Variants in KCNJ3 observed in about 807,000 individuals in gnomAD.
KCNJ3 encodes potassium inwardly rectifying channel subfamily J member 3.
A neutral mutation model predicts 39.2 loss-of-function variants in KCNJ3; 4 were observed. That is an observed-to-expected ratio of 0.10 (90% CI 0.05 to 0.23). The LOEUF is 0.23. KCNJ3 is among the 10% of genes least tolerant of loss of function. The pLI, the probability that KCNJ3 is intolerant of heterozygous loss-of-function variation, is 1.00. For synonymous variants in KCNJ3, 230 were observed against 237.4 expected (o/e 0.97, Z 0.29); for missense variants, 276 against 634.9 (o/e 0.43, Z 6.08).
intron 2 of KCNJ3, among the ~76,000 whole-genome samples, chr2:154,762,499 A>T (rs1686062239): frequency 1.3e-5 from 2 of 152,200 alleles, no homozygotes; most frequent in African/African-American, 4.8e-5. Context: ...AGTTGTAATA[A>T]GGAGATTCTA....
At chr2:154,760,735 CTTTT>C (rs887796000) in intron 2 of KCNJ3, among the ~76,000 whole-genome samples, 2 of 127,752 alleles carry the variant, frequency 1.6e-5, no homozygotes, top group African/African-American at 3.0e-5. Context: ...TCTTTTTTTT[CTTTT>C]TTTTTTTTTT....
intron 2 of KCNJ3, among the ~76,000 whole-genome samples, chr2:154,838,484 T>A (rs555068007): frequency 6.6e-6 from 1 of 152,186 alleles, no homozygotes; most frequent in East Asian, 1.9e-4. Context: ...ACATACTTCC[T>A]AGGGTAGTGA....
intron 2 of KCNJ3, among the ~76,000 whole-genome samples, chr2:154,744,374 T>G (rs1024565651): frequency 6.6e-6 from 1 of 151,736 alleles, no homozygotes; most frequent in Non-Finnish European, 1.5e-5. Flanking sequence ...AGTAGACTTG[T>G]TTTTTTGGAA....
intron 2 of KCNJ3, among the ~76,000 whole-genome samples, chr2:154,756,074 T>C (rs181522485): frequency 3.9e-5 from 6 of 152,296 alleles, no homozygotes; most frequent in Admixed American, 3.3e-4. Flanking sequence ...TTCCTAGATA[T>C]CCAGACGGGT....
intron 2 of KCNJ3, among the ~76,000 whole-genome samples, chr2:154,829,109 C>T (rs1443544167): frequency 6.6e-6 from 1 of 152,052 alleles, no homozygotes; most frequent in African/African-American, 2.4e-5. Flanking sequence ...GGGACTGAAA[C>T]TCAAATATTA....
intron 2 of KCNJ3, among the ~76,000 whole-genome samples, chr2:154,762,671 T>C (rs1413080896): frequency 6.9e-6 from 1 of 144,656 alleles, no homozygotes; most frequent in African/African-American, 2.5e-5. Context: ...TTACAACTAA[T>C]TCTCAAATTA....
At chr2:154,823,020 ATC>A (rs1307025130) in intron 2 of KCNJ3, among the ~76,000 whole-genome samples, 1 of 151,852 alleles carries the variant, frequency 6.6e-6, no homozygotes, top group African/African-American at 2.4e-5. Flanking sequence ...TAATATTAAA[ATC>A]TGATATTTTT....
intron 2 of KCNJ3, among the ~76,000 whole-genome samples, chr2:154,835,436 T>G (rs1255794359): frequency 2.0e-5 from 1 of 50,552 alleles, no homozygotes; most frequent in Non-Finnish European, 5.1e-5. Flanking sequence ...GAATATATAA[T>G]ATTCATGAAT....
intron 2 of KCNJ3, among the ~76,000 whole-genome samples, chr2:154,744,281 G>T (rs1346486308): frequency 6.6e-6 from 1 of 151,562 alleles, no homozygotes; most frequent in Non-Finnish European, 1.5e-5. Context: ...AATTCATGAG[G>T]GATATTGAGG....
At chr2:154,783,980 A>G (rs1428959838) in intron 2 of KCNJ3, among the ~76,000 whole-genome samples, 1 of 152,220 alleles carries the variant, frequency 6.6e-6, no homozygotes, top group East Asian at 1.9e-4. Flanking sequence ...ATAGAAGAGT[A>G]TGGTACTCTT....
rs115900338 is a variant in KCNJ3, at chr2:154,821,300, A to G, written c.920-33427A>G. ...AAAGTGAAAATGGTATTAGGAGATC[A>G]TAGCCTGGATGTGAGAGTCAAGACA... On this transcript the variant is annotated intron_variant, in intron 2 of 2. Transcript: ENST00000295101. Among the ~76,000 whole-genome samples, 961 of 152,326 alleles carry G rather than the reference A, an allele frequency of 6.3e-3. 6 individuals carry two copies. The highest frequency in any genetic ancestry group is 0.011 in the Non-Finnish European group (745 of 68,038).
At chr2:154,817,807 G>A (rs771271241) in intron 2 of KCNJ3, among the ~76,000 whole-genome samples, 2 of 151,524 alleles carry the variant, frequency 1.3e-5, no homozygotes, top group Non-Finnish European at 3.0e-5. Flanking sequence ...TGCCATTCTC[G>A]TATTTTAACC....
At chr2:154,803,376 C>A (rs2105218044) in intron 2 of KCNJ3, among the ~76,000 whole-genome samples, 1 of 151,946 alleles carries the variant, frequency 6.6e-6, no homozygotes, top group East Asian at 1.9e-4. Context: ...ATTTAAAAAT[C>A]ATTCTCAAAC....
intron 2 of KCNJ3, among the ~76,000 whole-genome samples, chr2:154,785,993 T>C (rs922455541): frequency 6.6e-6 from 1 of 152,226 alleles, no homozygotes; most frequent in Non-Finnish European, 1.5e-5. Context: ...TTAAGACCTG[T>C]GACTAAATGT....
At chr2:154,766,611 C>A (rs1284061663) in intron 2 of KCNJ3, among the ~76,000 whole-genome samples, 1 of 151,890 alleles carries the variant, frequency 6.6e-6, no homozygotes, top group Non-Finnish European at 1.5e-5. Flanking sequence ...GGCTGGAGTA[C>A]AGTGGCATGA....
rs57668487 is a variant in KCNJ3, at chr2:154,818,918, C to CTTTTTTTT, written c.920-35784_920-35777dup. On this transcript the variant is annotated intron_variant, in intron 2 of 2. Coordinates refer to ENST00000295101, the MANE Select transcript of KCNJ3 (RefSeq NM_002239.4). Reference sequence around the variant, plus strand: ...GAGCTTGAGCTGTAGCTGCAAAAGCCTTTTTTTTTTTTTTTTTTTTTTTTT... The same window carrying CTTTTTTTT: ...GAGCTTGAGCTGTAGCTGCAAAAGCCTTTTTTTTTTTTTTTTTTTTTTTTTTTTTTTTT... Among the ~76,000 whole-genome samples, 100 of 52,436 alleles carry CTTTTTTTT rather than the reference C, an allele frequency of 1.9e-3. 7 individuals carry two copies. Among genetic ancestry groups the CTTTTTTTT allele is most frequent in the African/African-American group, 4.3e-3 (52 of 12,042 alleles). The allele number at this position is 52,436 out of a possible 152,430, so 34.4% of individuals were successfully genotyped here.
chr2:154,808,265 GA>G (rs2105099217), intron 2 of KCNJ3, among the ~76,000 whole-genome samples: 1 of 152,004 alleles, frequency 6.6e-6, no homozygotes, highest in African/African-American at 2.4e-5. Context: ...TATTTTAGTA[GA>G]GATGGCGTTT....
intron 2 of KCNJ3, among the ~76,000 whole-genome samples, chr2:154,788,396 G>A (rs1469038847): frequency 1.3e-5 from 2 of 152,114 alleles, no homozygotes; most frequent in Admixed American, 6.6e-5. Flanking sequence ...GTGAATATCA[G>A]ACTGCTGATA....
At chr2:154,778,572 A>G (rs1016065932) in intron 2 of KCNJ3, among the ~76,000 whole-genome samples, 2 of 152,116 alleles carry the variant, frequency 1.3e-5, no homozygotes, top group African/African-American at 4.8e-5. Context: ...TTATAATGAG[A>G]TTTGTCGTAG....
Sources: gnomAD v4.1 joint callset for allele counts (sites outside exome capture counted in the v4.1 genomes callset) on GRCh38, gnomAD v4.1.1 for gene constraint, MANE v1.5 for transcripts, NCBI Gene and HGNC (gene_info 2026-07-23, HGNC 2026-07-21) for gene names.